CSMD3: variants seen among roughly 807,000 people sequenced by gnomAD.
The protein encoded by CSMD3 is CUB and sushi domain-containing protein 3.
In CSMD3, 177 loss-of-function variants were observed where a neutral mutation model predicts 435.2. The observed-to-expected ratio is 0.41, with a 90% CI of 0.36 to 0.46. CSMD3 has a LOEUF of 0.46. Among genes scored for constraint, CSMD3 ranks in the 20% least tolerant of loss-of-function variants. The probability of loss-of-function intolerance (pLI) is 0.34; values close to 1 mark genes in which losing one functional copy is unlikely to be tolerated. For missense variants in CSMD3, 4,265 were observed against 4,504.6 expected (o/e 0.95, Z 1.52); for synonymous variants, 1,656 against 1,520.5 (o/e 1.09, Z -2.07).
intron 11 of CSMD3, among the ~76,000 whole-genome samples, chr8:112,839,769 C>A (rs112824166): frequency 0.032 from 4,905 of 151,300 alleles, 100 homozygotes; most frequent in Middle Eastern, 0.054. Context: ...AACTTTGACT[C>A]CAGACTTTGA....
In CSMD3 at chr8:112,743,988, C is replaced by T. The variant is rs146439584; in HGVS notation, c.1973-53938G>A. Among the ~76,000 whole-genome samples, 317 of 151,964 alleles carry T rather than the reference C, an allele frequency of 2.1e-3. 1 individual carries two copies. The highest frequency in any genetic ancestry group is 7.4e-3 in the African/African-American group (305 of 41,462). On this transcript the variant is annotated intron_variant, in intron 13 of 70. Transcript: ENST00000297405. ...TTATTTCCTGAAGAGAACCTTAAAT[C>T]TATGAAATGGTCTGTTAGGCAATGT...
At chr8:112,793,905 CTTAAT>C (rs1010041541) in intron 13 of CSMD3, among the ~76,000 whole-genome samples, 13 of 152,146 alleles carry the variant, frequency 8.5e-5, no homozygotes, top group African/African-American at 2.4e-4. Context: ...TTAGACTAAA[CTTAAT>C]TTAACACTGT....
chr8:112,901,811 C>G (rs1321760794), intron 10 of CSMD3, among the ~76,000 whole-genome samples: 1 of 151,244 alleles, frequency 6.6e-6, no homozygotes, highest in East Asian at 2.0e-4. Context: ...ACAGGCACCT[C>G]AGTTACCATT....
intron 1 of CSMD3, among the ~76,000 whole-genome samples, chr8:113,422,140 T>C (rs2094611721): frequency 6.6e-6 from 1 of 152,158 alleles, no homozygotes; most frequent in Non-Finnish European, 1.5e-5. Context: ...GAAGAGGGTA[T>C]TTAAGCCTCA....
chr8:112,762,990 T>G (rs1303404187), intron 13 of CSMD3, among the ~76,000 whole-genome samples: 4 of 151,702 alleles, frequency 2.6e-5, no homozygotes, highest in Non-Finnish European at 5.9e-5. Flanking sequence ...GTATTGTACC[T>G]GATGACTATA....
intron 12 of CSMD3, among the ~76,000 whole-genome samples, chr8:112,811,448 G>T (rs2079225913): frequency 6.6e-6 from 1 of 152,038 alleles, no homozygotes; most frequent in Admixed American, 6.5e-5. Context: ...GTCCTTCTTA[G>T]AGGCCTTGGA....
chr8:112,516,234 A>C (rs1823654518), intron 28 of CSMD3, among the ~76,000 whole-genome samples: 1 of 152,138 alleles, frequency 6.6e-6, no homozygotes, highest in African/African-American at 2.4e-5. Context: ...TCTTCTCCCA[A>C]GTTGCTTACA....
intron 5 of CSMD3, among the ~76,000 whole-genome samples, chr8:113,084,000 T>A (rs1294113644): frequency 3.3e-5 from 5 of 151,996 alleles, no homozygotes; most frequent in Non-Finnish European, 7.4e-5. Context: ...AGGAAAATTT[T>A]AAAAATAAAA....
chr8:112,244,740 T>C (rs1202989568), intron 64 of CSMD3, among the ~76,000 whole-genome samples, 167 bp from the exon 65 acceptor site: 4 of 152,124 alleles, frequency 2.6e-5, no homozygotes, highest in Non-Finnish European at 4.4e-5. Context: ...AATATACTTA[T>C]TGATTTCATA....
intron 4 of CSMD3, among the ~76,000 whole-genome samples, chr8:113,144,553 TCTGCCGTTA>T: frequency 6.6e-6 from 1 of 151,638 alleles, no homozygotes; most frequent in Non-Finnish European, 1.5e-5. Context: ...GATGCTTAGA[TCTGCCGTTA>T]ATTATGTTCA....
At chr8:112,457,660 G>A (rs532726711) in intron 32 of CSMD3, among the ~76,000 whole-genome samples, 89 of 152,028 alleles carry the variant, frequency 5.9e-4, no homozygotes, top group Non-Finnish European at 1.0e-4. Flanking sequence ...GCAGGGAATA[G>A]GTGAAGAGGA....
At chr8:113,036,529 T>C (rs2087359010) in intron 5 of CSMD3, among the ~76,000 whole-genome samples, 1 of 152,002 alleles carries the variant, frequency 6.6e-6, no homozygotes. Context: ...TACCTTATTT[T>C]ATAAGGAGAA....
At chr8:113,286,028 TA>T (rs2093644193) in intron 2 of CSMD3, among the ~76,000 whole-genome samples, 1 of 152,116 alleles carries the variant, frequency 6.6e-6, no homozygotes, top group Non-Finnish European at 1.5e-5. Context: ...TATTAGCTGG[TA>T]TTTTTTTTTT....
At chr8:113,078,917 A>G (rs1480634453) in intron 5 of CSMD3, among the ~76,000 whole-genome samples, 2 of 152,166 alleles carry the variant, frequency 1.3e-5, no homozygotes, top group Non-Finnish European at 2.9e-5. Context: ...GTATACTGGG[A>G]AGGTTAGAGT....
chr8:112,384,839 T>C (rs1009445511), intron 36 of CSMD3, among the ~76,000 whole-genome samples: 4 of 152,304 alleles, frequency 2.6e-5, no homozygotes, highest in African/African-American at 9.6e-5. Flanking sequence ...CCTTAAACAA[T>C]TATCAATTCC....
chr8:112,242,823 C>T (rs572195054), intron 65 of CSMD3, among the ~76,000 whole-genome samples: 3 of 151,866 alleles, frequency 2.0e-5, no homozygotes, highest in South Asian at 2.1e-4. Context: ...ATAAATAAGC[C>T]AGAAATATTA....
chr8:112,910,693 C>A (rs569341586), intron 10 of CSMD3, among the ~76,000 whole-genome samples: 16 of 151,988 alleles, frequency 1.1e-4, no homozygotes, highest in Admixed American at 2.6e-4. Flanking sequence ...TAAAAACAAT[C>A]TTTCCTCATT....
At chr8:112,378,961 C>A (rs1829214153) in intron 38 of CSMD3, among the ~76,000 whole-genome samples, 1 of 151,116 alleles carries the variant, frequency 6.6e-6, no homozygotes, top group Non-Finnish European at 1.5e-5. Flanking sequence ...TGAAGAGATT[C>A]CATTAAAAAA....
At chr8:113,228,463 C>G (rs2093051287) in intron 3 of CSMD3, among the ~76,000 whole-genome samples, 1 of 151,414 alleles carries the variant, frequency 6.6e-6, no homozygotes, top group Admixed American at 6.6e-5. Flanking sequence ...TTCACTGGAG[C>G]TGTACAAAAA....
Sources: allele counts gnomAD v4.1 joint callset (sites outside exome capture counted in the v4.1 genomes callset), GRCh38; gene constraint gnomAD v4.1.1; transcripts MANE v1.5; gene names NCBI Gene and HGNC (gene_info 2026-07-23, HGNC 2026-07-21).